The following DEFB134 variants were observed in gnomAD, a reference collection of about 807,000 sequenced individuals.
DEFB134 encodes beta-defensin 134.
In DEFB134, 7 loss-of-function variants were observed where a neutral mutation model predicts 7.4. That is an observed-to-expected ratio of 0.95 (90% CI 0.54 to 1.79). The LOEUF (loss-of-function observed/expected upper bound fraction) is 1.79. Among genes scored for constraint, DEFB134 ranks in the 40% most tolerant of loss-of-function variants. The pLI, the probability that DEFB134 is intolerant of heterozygous loss-of-function variation, is 0.00. For missense variants in DEFB134, 105 were observed against 74.8 expected, an observed-to-expected ratio of 1.40 and a Z score of -1.49; for synonymous variants, 33 against 25.0, an observed-to-expected ratio of 1.32 and a Z score of -0.96.
upstream of DEFB134, among the ~76,000 whole-genome samples, chr8:11,998,325 A>G (rs963184275): frequency 1.3e-5 from 2 of 151,830 alleles, no homozygotes; most frequent in African/African-American, 4.8e-5. Context: ...ATGGTGCACG[A>G]CTGTAGTCCC....
At chr8:11,994,013 C>T (rs527282903) in exon 2 of DEFB134, 2 of 1,613,866 alleles carry the variant, frequency 1.2e-6, no homozygotes, top group African/African-American at 2.7e-5. Context: ...CACAGCACTC[C>T]AGCTGAAACA....
chr8:11,993,544 C>A (rs1800033599), exon 2 of DEFB134: 3 of 155,230 alleles, frequency 1.9e-5, no homozygotes, highest in African/African-American at 7.2e-5. Flanking sequence ...GAGAGATGTA[C>A]AAGGTTGTCA....
chr8:11,993,299 T>G (rs1029924066), exon 2 of DEFB134: 2 of 152,258 alleles, frequency 1.3e-5, no homozygotes, highest in African/African-American at 4.8e-5. Context: ...GGCATCACTC[T>G]GCTGCTAAGG....
At chr8:11,998,821 A>G (rs1191962235), upstream of DEFB134, among the ~76,000 whole-genome samples, 1 of 152,098 alleles carries the variant, frequency 6.6e-6, no homozygotes, top group African/African-American at 2.4e-5. Flanking sequence ...AAGAAGATCC[A>G]AAAAAACACA....
intron 1 of DEFB134, among the ~76,000 whole-genome samples, chr8:11,994,995 T>C (rs1800079660): frequency 6.6e-6 from 1 of 152,188 alleles, no homozygotes; most frequent in South Asian, 2.1e-4. Context: ...TGTAGAAATT[T>C]TGAGCAAACA....
upstream of DEFB134, among the ~76,000 whole-genome samples, chr8:11,999,797 G>C (rs1474760193): frequency 1.3e-5 from 2 of 152,192 alleles, no homozygotes; most frequent in African/African-American, 4.8e-5. Flanking sequence ...GAGATAAAGA[G>C]GGGAGATGTG....
intron 1 of DEFB134, 27 bp downstream of exon 2, chr8:11,996,167 C>T (rs200950318): frequency 3.7e-6 from 6 of 1,613,152 alleles, no homozygotes; most frequent in East Asian, 4.5e-5. Flanking sequence ...TGAAGCACCC[C>T]TACCCCCCAA....
chr8:11,994,060 C>G (rs1311548706), exon 2 of DEFB134: 3 of 1,613,904 alleles, frequency 1.9e-6, no homozygotes, highest in African/African-American at 2.7e-5. Flanking sequence ...TCATAGCATT[C>G]AAGTCTGCAG....
chr8:11,998,458 A>T (rs1474570754), upstream of DEFB134, among the ~76,000 whole-genome samples: 1 of 152,038 alleles, frequency 6.6e-6, no homozygotes, highest in Non-Finnish European at 1.5e-5. Flanking sequence ...CTTAAAAAAA[A>T]AATAAAAAAA....
At chr8:11,999,868 A>G (rs1204866538), upstream of DEFB134, among the ~76,000 whole-genome samples, 1 of 152,202 alleles carries the variant, frequency 6.6e-6, no homozygotes, top group East Asian at 1.9e-4. Flanking sequence ...TTTCATCCAT[A>G]TATTCCCCTA....
chr8:11,997,379 TC>T (rs1800154293), upstream of DEFB134, among the ~76,000 whole-genome samples: 1 of 151,996 alleles, frequency 6.6e-6, no homozygotes, highest in African/African-American at 2.4e-5. Flanking sequence ...CTATGGACAT[TC>T]ATGTACAAGT....
At chr8:11,993,271 A>G (rs966938132) in exon 2 of DEFB134, 2 of 152,252 alleles carry the variant, frequency 1.3e-5, no homozygotes, top group African/African-American at 4.8e-5. Flanking sequence ...GAGGAGTCAG[A>G]TGACGGGCAG....
chr8:11,996,605 T>C (rs1470189588), upstream of DEFB134, among the ~76,000 whole-genome samples: 8 of 152,218 alleles, frequency 5.3e-5, no homozygotes, highest in Non-Finnish European at 8.8e-5. Context: ...AAAAATGTAA[T>C]TGCTAATTTT....
upstream of DEFB134, among the ~76,000 whole-genome samples, chr8:11,997,896 A>G (rs1800168051): frequency 6.6e-6 from 1 of 152,198 alleles, no homozygotes; most frequent in African/African-American, 2.4e-5. Flanking sequence ...GGAGCATTCC[A>G]CCACACACCA....
chr8:11,993,668 GC>G (rs1469497315), exon 2 of DEFB134: 2 of 234,228 alleles, frequency 8.5e-6, no homozygotes, highest in Non-Finnish European at 1.6e-5. Context: ...TTCCCTTGAA[GC>G]CTTTCTAAAT....
upstream of DEFB134, among the ~76,000 whole-genome samples, chr8:11,997,895 C>G (rs1447005719): frequency 6.6e-6 from 1 of 152,148 alleles, no homozygotes. Context: ...TGGAGCATTC[C>G]ACCACACACC....
chr8:12,000,246 A>T (rs1447875965), upstream of DEFB134, among the ~76,000 whole-genome samples: 1 of 151,870 alleles, frequency 6.6e-6, no homozygotes, highest in African/African-American at 2.4e-5. Flanking sequence ...TTTTTTTCAT[A>T]GCACTTGTCA....
chr8:12,000,055 G>A (rs1381948940), upstream of DEFB134, among the ~76,000 whole-genome samples: 1 of 152,178 alleles, frequency 6.6e-6, no homozygotes, highest in Non-Finnish European at 1.5e-5. Context: ...AGCTGCAATT[G>A]AAATGTCCCT....
At chr8:11,999,657 G>C (rs1800220220), upstream of DEFB134, among the ~76,000 whole-genome samples, 1 of 152,142 alleles carries the variant, frequency 6.6e-6, no homozygotes, top group Non-Finnish European at 1.5e-5. Flanking sequence ...TCTGAGTTTT[G>C]CTCTAAAAGG....
Sources: allele counts gnomAD v4.1 joint callset (sites outside exome capture counted in the v4.1 genomes callset), GRCh38; gene constraint gnomAD v4.1.1; transcripts MANE v1.5; gene names NCBI Gene and HGNC (gene_info 2026-07-23, HGNC 2026-07-21).